Variants in USH2A observed in about 807,000 individuals in gnomAD.
The protein encoded by USH2A is Usher syndrome 2A (autosomal recessive, mild).
A neutral mutation model predicts 538.9 loss-of-function variants in USH2A; 443 were observed. The observed-to-expected ratio is 0.82, with a 90% CI of 0.76 to 0.89. The LOEUF is 0.89. Among genes scored for constraint, USH2A ranks in the 40% least tolerant of loss-of-function variants. USH2A has a pLI of 0.00. For synonymous variants in USH2A, 2,413 were observed against 2,273.5 expected, an observed-to-expected ratio of 1.06 and a Z score of -1.75; for missense variants, 6,633 against 6,324.8, an observed-to-expected ratio of 1.05 and a Z score of -1.65.
At chr1:216,201,256 A>G (rs1184948030) in intron 16 of USH2A, among the ~76,000 whole-genome samples, 1 of 150,852 alleles carries the variant, frequency 6.6e-6, no homozygotes, top group African/African-American at 2.4e-5. Context: ...AAAAGACACA[A>G]ATCTTTGGAG....
intron 38 of USH2A, among the ~76,000 whole-genome samples, chr1:215,923,330 C>T (rs1051609637): frequency 4.6e-5 from 7 of 151,966 alleles, no homozygotes; most frequent in Admixed American, 3.3e-4. Context: ...GATCAAATGA[C>T]GTCACCAGAA....
chr1:215,984,353 T>A (rs1667821831), intron 35 of USH2A, among the ~76,000 whole-genome samples: 1 of 152,242 alleles, frequency 6.6e-6, no homozygotes, highest in African/African-American at 2.4e-5. Context: ...TCTGGCTTAA[T>A]TCAGTTTAAT....
At chr1:215,662,337 G>T (rs1657465467) in intron 64 of USH2A, among the ~76,000 whole-genome samples, 1 of 152,184 alleles carries the variant, frequency 6.6e-6, no homozygotes, top group Non-Finnish European at 1.5e-5. Flanking sequence ...GAGACAGGAA[G>T]ATCAACATCA....
intron 32 of USH2A, among the ~76,000 whole-genome samples, chr1:216,013,942 A>G (rs1445189295): frequency 6.6e-6 from 1 of 152,242 alleles, no homozygotes; most frequent in Non-Finnish European, 1.5e-5. Flanking sequence ...TAATACAAAG[A>G]AAACCATTGT....
At chr1:215,667,801 A>C in intron 64 of USH2A, among the ~76,000 whole-genome samples, 1 of 152,350 alleles carries the variant, frequency 6.6e-6, no homozygotes, top group Middle Eastern at 3.4e-3. Context: ...TCACTGGCCA[A>C]CTGATGGAAT....
At chr1:215,819,768 C>T (rs930538367) in intron 47 of USH2A, among the ~76,000 whole-genome samples, 19 of 151,690 alleles carry the variant, frequency 1.3e-4, no homozygotes, top group African/African-American at 4.1e-4. Context: ...TAAGTGAGAC[C>T]GCCTATATTT....
intron 15 of USH2A, among the ~76,000 whole-genome samples, chr1:216,213,034 C>G (rs1056814677): frequency 6.6e-6 from 1 of 152,100 alleles, no homozygotes; most frequent in Non-Finnish European, 1.5e-5. Context: ...CGCAATTATA[C>G]TATAGGTTTC....
At position 215,799,050 on chromosome 1, in the gene USH2A, G is replaced by A. The variant is rs764182950; in HGVS notation, c.9815C>T (p.Pro3272Leu). ...AATCTGGTTTCCTGAGGTGGAGTAC[G>A]GCATTCTGCCACAGCAGGAATCACC... ...GIGDSCCGRM[P>L]YSTSGNQICC... Residue 3272 changes from proline (P) to leucine (L), a missense_variant, in exon 50 of 72, where the codon CCG (proline) becomes CTG (leucine). Pro to Leu is a moderately conservative substitution (Grantham distance 98). Coordinates refer to ENST00000307340, the MANE Select transcript of USH2A (RefSeq NM_206933.4). 33 of 1,614,016 alleles carry A rather than the reference G, an allele frequency of 2.0e-5. 1 individual carries two copies. The highest frequency in any genetic ancestry group is 1.1e-4 in the South Asian group (10 of 91,086).
Position 215,628,818 on chromosome 1 carries a change from C to T in USH2A, c.15515G>A (p.Gly5172Glu), listed in dbSNP as rs763771194. The T allele has an allele frequency of 1.2e-6, 2 of 1,614,110 alleles. No homozygotes were observed. Among genetic ancestry groups the T allele is most frequent in the Non-Finnish European group, 1.7e-6 (2 of 1,180,004 alleles). ...TGTATGAGGAAACCAACTCACCAGT[C>T]CACTGTTGTGGCCCATGATGGCTTC... is the stretch of plus-strand genomic sequence containing the variant. ...LWEAIMGHNS[G>E]LYVDEEDLMN... is the part of the protein sequence containing the mutation. The change falls in exon 71 of 72, where the codon GGA (glycine) becomes GAA (glutamate). Residue 5172 changes from glycine (G) to glutamate (E), a missense_variant. By Grantham distance (98) the Gly-to-Glu change is moderately conservative (BLOSUM62 -2). Coordinates refer to ENST00000307340, the MANE Select transcript of USH2A (RefSeq NM_206933.4).
At chr1:215,798,614 T>C (rs1358223291) in intron 50 of USH2A, among the ~76,000 whole-genome samples, 1 of 152,182 alleles carries the variant, frequency 6.6e-6, no homozygotes, top group Non-Finnish European at 1.5e-5. Context: ...TACTATTTGC[T>C]AGGAAATATT....
At chr1:215,752,044 CTGTT>C (rs1413219244) in intron 58 of USH2A, among the ~76,000 whole-genome samples, 1 of 152,086 alleles carries the variant, frequency 6.6e-6, no homozygotes, top group Admixed American at 6.5e-5. Context: ...TGTATGTGCT[CTGTT>C]TGTCATTAAA....
In USH2A at chr1:215,916,919, T is replaced by G. The variant is rs565590039; in HGVS notation, c.7301-16014A>C. Reference sequence around the variant, plus strand: ...CTTAAAATTGCTCTGCAAGACAATTTCAGTGAATTTGTTAACCAAGAAACA... The same window carrying G: ...CTTAAAATTGCTCTGCAAGACAATTGCAGTGAATTTGTTAACCAAGAAACA... On this transcript the variant is annotated intron_variant, in intron 38 of 71. Coordinates refer to ENST00000307340, the MANE Select transcript of USH2A (RefSeq NM_206933.4). 7.2e-5 allele frequency among the ~76,000 whole-genome samples: 11 copies of G among 152,240 alleles called. No homozygotes were observed. In the South Asian group the frequency reaches 2.3e-3, roughly 32 times the overall value.
chr1:216,213,268 A>ATAGAATCATATC (rs760348612), intron 15 of USH2A, among the ~76,000 whole-genome samples: 16 of 152,140 alleles, frequency 1.1e-4, no homozygotes, highest in Non-Finnish European at 2.2e-4. Context: ...TTTTCCACAT[A>ATAGAATCATATC]TAGAATCATA....
At position 215,811,236 on chromosome 1, in the gene USH2A, G is replaced by C. The variant is rs558000089; in HGVS notation, c.9739+2500C>G. On this transcript the variant is annotated intron_variant, in intron 49 of 71. Coordinates refer to ENST00000307340, the MANE Select transcript of USH2A (RefSeq NM_206933.4). ...CTGAAACAAACTTGCTCCTTGCTTG[G>C]GGGGCAGAGCACCTTTATAAAATTA... 1.2e-4 allele frequency among the ~76,000 whole-genome samples: 19 copies of C among 152,270 alleles called. No homozygotes were observed. The South Asian group carries it at 3.9e-3, about 32-fold the overall frequency.
chr1:216,214,786 T>A (rs1456220656), intron 15 of USH2A, among the ~76,000 whole-genome samples: 1 of 151,926 alleles, frequency 6.6e-6, no homozygotes, highest in Non-Finnish European at 1.5e-5. Context: ...GATATAAAGA[T>A]GAATAAATAA....
At chr1:216,276,004 T>C (rs1044129715) in intron 11 of USH2A, among the ~76,000 whole-genome samples, 6 of 151,872 alleles carry the variant, frequency 4.0e-5, no homozygotes, top group African/African-American at 1.5e-4. Context: ...TAGGAACACA[T>C]TTTTGGTAGG....
At chr1:215,790,634 T>C (rs1432341915) in intron 50 of USH2A, among the ~76,000 whole-genome samples, 1 of 152,162 alleles carries the variant, frequency 6.6e-6, no homozygotes, top group Non-Finnish European at 1.5e-5. Flanking sequence ...AGTTAAACTA[T>C]AGGGACTCTG....
intron 61 of USH2A, among the ~76,000 whole-genome samples, chr1:215,698,573 A>G (rs1253797622): frequency 6.6e-6 from 1 of 152,192 alleles, no homozygotes; most frequent in African/African-American, 2.4e-5. Context: ...TCTAATTACC[A>G]GTGATATGAG....
At chr1:215,629,683 C>T (rs79237121) in intron 70 of USH2A, among the ~76,000 whole-genome samples, 1,769 of 151,858 alleles carry the variant, frequency 0.012, 38 homozygotes, top group African/African-American at 0.04. Context: ...TAGAACGCGC[C>T]GTAAGATAAA....
Sources: allele counts gnomAD v4.1 joint callset (sites outside exome capture counted in the v4.1 genomes callset), GRCh38; gene constraint gnomAD v4.1.1; transcripts MANE v1.5; gene names NCBI Gene and HGNC (gene_info 2026-07-23, HGNC 2026-07-21).